The following FN3KRP variants were observed in gnomAD, a reference collection of about 807,000 sequenced individuals.
FN3KRP encodes ketosamine-3-kinase.
FN3KRP carries 33 observed loss-of-function variants against 29.8 expected under a neutral mutation model. The ratio of observed to expected loss-of-function variants is 1.11; its 90% CI spans 0.84 to 1.48. FN3KRP has a LOEUF of 1.48. Among genes scored for constraint, FN3KRP ranks in the 40% most tolerant of loss-of-function variants. The pLI is 0.00. For synonymous variants in FN3KRP, 157 were observed against 155.2 expected, an observed-to-expected ratio of 1.01 and a Z score of -0.09; for missense variants, 430 against 402.6, an observed-to-expected ratio of 1.07 and a Z score of -0.58.
chr17:82,723,602 TGTGCAC>T (rs1052911520), intron 4 of FN3KRP, among the ~76,000 whole-genome samples: 1 of 151,410 alleles, frequency 6.6e-6, no homozygotes, highest in Non-Finnish European at 1.5e-5. Flanking sequence ...TGCATGTGTA[TGTGCAC>T]GCATGTGTGC....
intron 4 of FN3KRP, among the ~76,000 whole-genome samples, chr17:82,723,814 C>A (rs2143616306): frequency 6.6e-6 from 1 of 151,982 alleles, no homozygotes; most frequent in East Asian, 1.9e-4. Context: ...TCTCGGGGTC[C>A]TTCTCAATGG....
In FN3KRP at chr17:82,716,804, A is replaced by G; in HGVS notation, c.49A>G (p.Thr17Ala). The change falls in exon 1 of 6, where the codon ACG becomes GCG. Residue 17 changes from threonine to alanine, a missense_variant. Transcript: ENST00000269373. ...RELGCSSVRA[T>A]GHSGGGCISQ... ...GCTGGGCTGCAGCTCTGTCAGGGCC[A>G]CGGGCCACTCGGGGGGCGGGTGCAT... The G allele has an allele frequency of 6.4e-7, 1 of 1,550,888 alleles. No individual in the cohort carries two copies. Among genetic ancestry groups the G allele is most frequent in the Non-Finnish European group, 8.7e-7 (1 of 1,154,964 alleles).
chr17:82,717,730 AAG>A lies in FN3KRP; in HGVS notation c.141+837_141+838del, dbSNP rs1273078069. Among the ~76,000 whole-genome samples, 12 of 152,268 alleles carry A rather than the reference AAG, an allele frequency of 7.9e-5. No individual in the cohort carries two copies. The East Asian group carries it at 2.1e-3, about 27-fold the overall frequency. On this transcript the variant is annotated intron_variant, in intron 1 of 5. Coordinates refer to ENST00000269373, the MANE Select transcript of FN3KRP (RefSeq NM_024619.4). ...GAATGAGACTCCGTCTCAAAAAAAAAAGAGTGTTCCTAGCAGCGGTGACATGG... is the reference window on the plus strand; with the variant it reads ...GAATGAGACTCCGTCTCAAAAAAAAAAGTGTTCCTAGCAGCGGTGACATGG...
Position 82,727,787 on chromosome 17 carries a change from T to A in FN3KRP, c.*616T>A, listed in dbSNP as rs1297955505. The A allele has an allele frequency of 6.6e-6, 1 of 152,400 alleles. No homozygotes were observed. Among genetic ancestry groups the A allele is most frequent in the Non-Finnish European group, 1.5e-5 (1 of 68,194 alleles). The allele number at this position is 152,400 out of a possible 1,614,324, so 9.4% of individuals were successfully genotyped here. A position where few individuals can be genotyped will look rare whatever the true frequency, so the allele number is the denominator to read the frequency against. ...AAACCAAGCTGCTGGCCATAGGGTG[T>A]CCTTGGGTACATCCAGGAGTCTTCA... is the stretch of plus-strand genomic sequence containing the variant. On this transcript the variant is annotated 3_prime_UTR_variant, in exon 6 of 6. Transcript: ENST00000269373.
At chr17:82,716,964 G>GGGCGC in intron 1 of FN3KRP, 68 bp downstream of exon 1, 4 of 587,050 alleles carry the variant, frequency 6.8e-6, no homozygotes, top group Non-Finnish European at 9.2e-6. Flanking sequence ...GCCTCGGCGC[G>GGGCGC]GGGCGCGGCC....
At chr17:82,723,284 C>T (rs1296672665) in intron 4 of FN3KRP, among the ~76,000 whole-genome samples, 2 of 152,074 alleles carry the variant, frequency 1.3e-5, no homozygotes, top group Admixed American at 6.5e-5. Flanking sequence ...GGACAGGGCT[C>T]CTGTCCTGTC....
chr17:82,722,198 G>A (rs1054253947), intron 3 of FN3KRP, among the ~76,000 whole-genome samples: 12 of 151,838 alleles, frequency 7.9e-5, no homozygotes, highest in Non-Finnish European at 1.6e-4. Context: ...GCAATGGAGC[G>A]ATCTCGGCTC....
chr17:82,718,576 C>A (rs1012998191), intron 1 of FN3KRP: 2 of 1,077,840 alleles, frequency 1.9e-6, no homozygotes, highest in Admixed American at 9.2e-5. Context: ...TGACAGGTAA[C>A]CCATGTTCAC....
At chr17:82,723,748 G>A (rs545936700) in intron 4 of FN3KRP, among the ~76,000 whole-genome samples, 1 of 152,102 alleles carries the variant, frequency 6.6e-6, no homozygotes, top group East Asian at 1.9e-4. Flanking sequence ...CTCCAGTCGT[G>A]TGTGTCTGTC....
chr17:82,720,501 G>A (rs1335354399), intron 3 of FN3KRP, 138 bp downstream of exon 3: 4 of 619,724 alleles, frequency 6.5e-6, no homozygotes, highest in Non-Finnish European at 1.1e-5. Flanking sequence ...TGTCGGCCTT[G>A]AGCCGCATCT....
intron 4 of FN3KRP, among the ~76,000 whole-genome samples, chr17:82,724,263 C>T (rs1195921193): frequency 6.6e-6 from 1 of 151,918 alleles, no homozygotes; most frequent in Admixed American, 6.6e-5. Context: ...CACTGCACTC[C>T]AGCTTGGGTA....
chr17:82,718,281 T>A (rs552233181), intron 1 of FN3KRP, among the ~76,000 whole-genome samples: 1 of 152,000 alleles, frequency 6.6e-6, no homozygotes, highest in East Asian at 1.9e-4. Context: ...GAAAGGCCGC[T>A]GGCTCTGACT....
intron 3 of FN3KRP, 113 bp from the exon 4 acceptor site, chr17:82,722,691 G>T: frequency 1.1e-6 from 1 of 926,944 alleles, no homozygotes. Context: ...TCTCTGGCAG[G>T]GGCATAAGCT....
At chr17:82,718,700 A>C in intron 1 of FN3KRP, 1 of 1,250,076 alleles carries the variant, frequency 8.0e-7, no homozygotes, top group Non-Finnish European at 1.1e-6. Flanking sequence ...TGGAAAGCTC[A>C]AGCCCTCTTC....
Position 82,722,733 on chromosome 17 carries a change from T to G in FN3KRP, c.386-71T>G, listed in dbSNP as rs1598334186. Reference sequence around the variant, plus strand: ...AGCTCGCTGAGGTCGTGTCTGAAGGTGACTCAGTTTCGAGAGTGGGCGCTG... The same window carrying G: ...AGCTCGCTGAGGTCGTGTCTGAAGGGGACTCAGTTTCGAGAGTGGGCGCTG... On this transcript the variant is annotated intron_variant, in intron 3 of 5. Coordinates refer to ENST00000269373, the MANE Select transcript of FN3KRP (RefSeq NM_024619.4). 54 of 1,474,780 alleles carry G rather than the reference T, an allele frequency of 3.7e-5. No homozygotes were observed. The East Asian group carries it at 1.2e-3, about 32-fold the overall frequency. 91.4% of individuals were successfully genotyped at this position (1,474,780 alleles called of 1,614,324 possible). A position where few individuals can be genotyped will look rare whatever the true frequency, so the allele number is the denominator to read the frequency against.
At position 82,719,094 on chromosome 17, in the gene FN3KRP, C is replaced by T. The variant is rs753808283; in HGVS notation, c.293+37C>T. The T allele has an allele frequency of 2.6e-6, 4 of 1,528,390 alleles. No individual in the cohort carries two copies. In the South Asian group the frequency reaches 3.4e-5, roughly 13 times the overall value. The allele number at this position is 1,528,390 out of a possible 1,614,324, so 94.7% of individuals were successfully genotyped here. A position where few individuals can be genotyped will look rare whatever the true frequency, so the allele number is the denominator to read the frequency against. ...CACCACCCCCCACCTGGCTTTATTACCTGAGCAGGTGTGTCTTCACACCTT... is the reference window on the plus strand; with the variant it reads ...CACCACCCCCCACCTGGCTTTATTATCTGAGCAGGTGTGTCTTCACACCTT... On this transcript the variant is annotated intron_variant, in intron 2 of 5. Transcript: ENST00000269373.
At chr17:82,721,399 C>T (rs2046797270) in intron 3 of FN3KRP, among the ~76,000 whole-genome samples, 1 of 151,614 alleles carries the variant, frequency 6.6e-6, no homozygotes, top group Non-Finnish European at 1.5e-5. Flanking sequence ...GAGATTATTT[C>T]AAAGCACAAT....
At chr17:82,721,819 G>GT (rs1356186359) in intron 3 of FN3KRP, among the ~76,000 whole-genome samples, 1 of 147,502 alleles carries the variant, frequency 6.8e-6, no homozygotes, top group Non-Finnish European at 1.5e-5. Flanking sequence ...TACTTTTTAT[G>GT]TTTTTTATGT....
intron 2 of FN3KRP, among the ~76,000 whole-genome samples, chr17:82,720,036 G>A (rs1489788809): frequency 6.6e-6 from 1 of 151,794 alleles, no homozygotes; most frequent in Non-Finnish European, 1.5e-5. Flanking sequence ...CATGGTGGCG[G>A]GCACCAGTAA....
Sources: allele counts gnomAD v4.1 joint callset (sites outside exome capture counted in the v4.1 genomes callset), GRCh38; gene constraint gnomAD v4.1.1; transcripts MANE v1.5; gene names NCBI Gene and HGNC (gene_info 2026-07-23, HGNC 2026-07-21).